Variants in DSCAM observed in about 807,000 individuals in gnomAD.
The protein encoded by DSCAM is cell adhesion molecule DSCAM.
A neutral mutation model predicts 217.7 loss-of-function variants in DSCAM; 47 were observed. The observed-to-expected ratio is 0.22, with a 90% CI of 0.17 to 0.28. DSCAM has a LOEUF of 0.28. Ranked by LOEUF, DSCAM falls within the 10% of genes least tolerant of loss-of-function variation. The probability of loss-of-function intolerance (pLI) is 1.00; values close to 1 mark genes in which losing one functional copy is unlikely to be tolerated. For synonymous variants in DSCAM, 1,056 were observed against 1,015.3 expected, an observed-to-expected ratio of 1.04 and a Z score of -0.76; for missense variants, 2,080 against 2,618.3, an observed-to-expected ratio of 0.79 and a Z score of 4.49.
At chr21:40,763,153 G>T (rs2091352863) in intron 1 of DSCAM, among the ~76,000 whole-genome samples, 1 of 152,140 alleles carries the variant, frequency 6.6e-6, no homozygotes, top group Non-Finnish European at 1.5e-5. Flanking sequence ...AAGTCAGATT[G>T]TCTCTGTGTG....
At chr21:40,020,740 C>G (rs1222033156) in intron 32 of DSCAM, among the ~76,000 whole-genome samples, 1 of 152,224 alleles carries the variant, frequency 6.6e-6, no homozygotes, top group Non-Finnish European at 1.5e-5. Context: ...ACTGCCGGTT[C>G]CTTCCCAGTG....
intron 1 of DSCAM, among the ~76,000 whole-genome samples, chr21:40,766,987 A>G (rs1354974403): frequency 3.3e-5 from 5 of 152,148 alleles, no homozygotes; most frequent in Admixed American, 1.3e-4. Flanking sequence ...TGTCCAGCCA[A>G]AAAACCTTTC....
At chr21:40,622,956 G>A (rs2089542635) in intron 3 of DSCAM, among the ~76,000 whole-genome samples, 1 of 151,518 alleles carries the variant, frequency 6.6e-6, no homozygotes, top group Non-Finnish European at 1.5e-5. Context: ...CATCACATTA[G>A]TTACCTAGTA....
chr21:40,018,278 C>T (rs2088200903), intron 32 of DSCAM, among the ~76,000 whole-genome samples: 2 of 152,048 alleles, frequency 1.3e-5, no homozygotes, highest in South Asian at 4.2e-4. Flanking sequence ...CATTCAATCT[C>T]CTGAAAGTGA....
At chr21:40,025,656 C>T (rs1376488450) in intron 32 of DSCAM, among the ~76,000 whole-genome samples, 1 of 150,954 alleles carries the variant, frequency 6.6e-6, no homozygotes, top group Admixed American at 6.6e-5. Context: ...AGTTTATTTG[C>T]GTAGAGGTGT....
intron 20 of DSCAM, among the ~76,000 whole-genome samples, chr21:40,106,687 T>A (rs1012594197): frequency 6.6e-6 from 1 of 152,150 alleles, no homozygotes; most frequent in African/African-American, 2.4e-5. Context: ...TTTCTTCCTA[T>A]TTCAGTCTTG....
At chr21:40,675,669 T>A (rs2090329790) in intron 3 of DSCAM, among the ~76,000 whole-genome samples, 1 of 151,712 alleles carries the variant, frequency 6.6e-6, no homozygotes, top group South Asian at 2.1e-4. Context: ...TAGTCACAAA[T>A]AAACAAATAA....
At chr21:40,833,469 C>A (rs1457555814) in intron 1 of DSCAM, among the ~76,000 whole-genome samples, 2 of 152,136 alleles carry the variant, frequency 1.3e-5, no homozygotes, top group Admixed American at 6.5e-5. Context: ...GCATTCAGAG[C>A]GGTTAGCACA....
intron 11 of DSCAM, among the ~76,000 whole-genome samples, chr21:40,267,029 G>A (rs2073547334): frequency 6.6e-6 from 1 of 150,798 alleles, no homozygotes; most frequent in Admixed American, 6.6e-5. Context: ...CTCAGAAGTG[G>A]GGAGGGTGGG....
intron 3 of DSCAM, among the ~76,000 whole-genome samples, chr21:40,470,027 T>C (rs367591711): frequency 1.3e-5 from 2 of 152,240 alleles, no homozygotes; most frequent in Non-Finnish European, 2.9e-5. Context: ...CTCTGGGGCA[T>C]AGAATTACAG....
At chr21:40,769,853 T>C (rs920516631) in intron 1 of DSCAM, among the ~76,000 whole-genome samples, 1 of 152,208 alleles carries the variant, frequency 6.6e-6, no homozygotes, top group African/African-American at 2.4e-5. Context: ...AAGAGTCATG[T>C]TCAGGTGATG....
intron 32 of DSCAM, among the ~76,000 whole-genome samples, chr21:40,040,972 T>TTGTC (rs2088737392): frequency 6.6e-6 from 1 of 152,174 alleles, no homozygotes; most frequent in African/African-American, 2.4e-5. Context: ...AAATAACAGC[T>TTGTC]TGTCTTTTCC....
At chr21:40,663,218 A>G (rs936098485) in intron 3 of DSCAM, among the ~76,000 whole-genome samples, 3 of 120,154 alleles carry the variant, frequency 2.5e-5, no homozygotes, top group Non-Finnish European at 4.9e-5. Flanking sequence ...ATGTCTGTGC[A>G]TGGTGTGGGG....
chr21:40,185,835 G>GC (rs930520795), intron 14 of DSCAM, among the ~76,000 whole-genome samples: 3 of 152,154 alleles, frequency 2.0e-5, no homozygotes, highest in Middle Eastern at 3.4e-3. Context: ...TCTTGGGTGA[G>GC]CCCCCCAGGT....
intron 3 of DSCAM, among the ~76,000 whole-genome samples, chr21:40,532,673 G>T (rs74714471): frequency 1.4e-3 from 210 of 152,168 alleles, no homozygotes; most frequent in African/African-American, 4.6e-3. Context: ...GATATAAGAT[G>T]GCCAAGGGCA....
At chr21:40,707,005 T>C (rs2090725211) in intron 2 of DSCAM, among the ~76,000 whole-genome samples, 1 of 152,178 alleles carries the variant, frequency 6.6e-6, no homozygotes, top group African/African-American at 2.4e-5. Context: ...GACAAGATGA[T>C]GCAATGTCCA....
intron 32 of DSCAM, among the ~76,000 whole-genome samples, chr21:40,025,911 T>TA: frequency 6.7e-6 from 1 of 150,126 alleles, no homozygotes; most frequent in South Asian, 2.1e-4. Flanking sequence ...TGCCTTCTGC[T>TA]AGCTTTTGAA....
At chr21:40,426,071 G>A (rs1158158513) in intron 3 of DSCAM, among the ~76,000 whole-genome samples, 1 of 152,176 alleles carries the variant, frequency 6.6e-6, no homozygotes, top group African/African-American at 2.4e-5. Context: ...CACATGGATT[G>A]GGGTCAGAGG....
At chr21:40,737,475 T>TA (rs949674484) in intron 1 of DSCAM, among the ~76,000 whole-genome samples, 15 of 151,776 alleles carry the variant, frequency 9.9e-5, no homozygotes, top group South Asian at 2.1e-4. Context: ...CCATCTCTAC[T>TA]AAAAAAAATA....
Sources: gnomAD v4.1 joint callset for allele counts (sites outside exome capture counted in the v4.1 genomes callset) on GRCh38, gnomAD v4.1.1 for gene constraint, MANE v1.5 for transcripts, NCBI Gene and HGNC (gene_info 2026-07-23, HGNC 2026-07-21) for gene names.